NT5DC3: variants seen among roughly 807,000 people sequenced by gnomAD.
NT5DC3 encodes the protein 5'-nucleotidase domain containing 3.
A neutral mutation model predicts 67.8 loss-of-function variants in NT5DC3; 42 were observed. The ratio of observed to expected loss-of-function variants is 0.62; its 90% CI spans 0.48 to 0.80. NT5DC3 has a LOEUF of 0.80. Among genes scored for constraint, NT5DC3 ranks in the 30% least tolerant of loss-of-function variants. The pLI is 0.00. For missense variants in NT5DC3, 570 were observed against 696.4 expected (o/e 0.82, Z 2.04); for synonymous variants, 237 against 255.6 (o/e 0.93, Z 0.69).
chr12:103,787,056 C>A (rs1274701265), intron 11 of NT5DC3, among the ~76,000 whole-genome samples: 1 of 152,046 alleles, frequency 6.6e-6, no homozygotes, highest in East Asian at 1.9e-4. Flanking sequence ...ACAGCACATT[C>A]TTTTAAATAT....
At chr12:103,768,608 A>AGG (rs377102507), downstream of NT5DC3, among the ~76,000 whole-genome samples, 1 of 16,518 alleles carries the variant, frequency 6.1e-5, no homozygotes, top group Non-Finnish European at 1.2e-4. Context: ...GGAAAGGGGG[A>AGG]GAGAGGGAGA....
Position 103,841,152 on chromosome 12 carries a change from G to T in NT5DC3, c.5C>A (p.Thr2Asn), listed in dbSNP as rs907148456. ...TGCCACCACCGCCGCCGCTGCCATG[G>T]TCATGCCTGCTGCCTGCTGCCGCCA... M[T>N]MAAAAVVARG... Residue 2 changes from threonine (T) to asparagine (N), a missense_variant, in exon 1 of 14, where the codon ACC (threonine) becomes AAC (asparagine). By Grantham distance (65) the Thr-to-Asn change is moderately conservative (BLOSUM62 0). Transcript: ENST00000392876. The T allele has an allele frequency of 1.7e-5, 13 of 785,352 alleles. No individual in the cohort carries two copies. In the African/African-American group the frequency reaches 2.2e-4, roughly 13 times the overall value. The allele number at this position is 785,352 out of a possible 1,614,324, so 48.6% of individuals were successfully genotyped here.
chr12:103,759,070 A>G, the NT5DC3 span: 3 of 1,613,278 alleles, frequency 1.9e-6, no homozygotes, highest in Non-Finnish European at 2.5e-6. Flanking sequence ...CATCCCCATC[A>G]TTAAAAAGAC....
At chr12:103,810,447 T>C (rs1384661947) in intron 2 of NT5DC3, among the ~76,000 whole-genome samples, 1 of 152,164 alleles carries the variant, frequency 6.6e-6, no homozygotes, top group East Asian at 1.9e-4. Context: ...TTTCGTAGTT[T>C]AGAAACTTTT....
intron 1 of NT5DC3, among the ~76,000 whole-genome samples, chr12:103,830,270 T>A (rs1233886761): frequency 2.6e-5 from 4 of 152,250 alleles, no homozygotes; most frequent in Non-Finnish European, 5.9e-5. Flanking sequence ...ATCCCAGGTA[T>A]GTTGCTCCAT....
At chr12:103,840,377 G>GCTCATCTCCTCTCAT (rs1888333732) in intron 1 of NT5DC3, among the ~76,000 whole-genome samples, 2 of 115,308 alleles carry the variant, frequency 1.7e-5, no homozygotes, top group Non-Finnish European at 3.5e-5. Context: ...ACACCGCACA[G>GCTCATCTCCTCTCAT]CTCATCTCAT....
chr12:103,799,641 C>T (rs1316474064), intron 4 of NT5DC3, among the ~76,000 whole-genome samples: 5 of 152,112 alleles, frequency 3.3e-5, no homozygotes, highest in Non-Finnish European at 5.9e-5. Context: ...CCACACCCAA[C>T]GCTCAGTGGA....
At chr12:103,763,142 T>G in the NT5DC3 span, among the ~76,000 whole-genome samples, 2 of 152,186 alleles carry the variant, frequency 1.3e-5, no homozygotes, top group African/African-American at 4.8e-5. Context: ...TGCATTTATA[T>G]TAAGTTAAAG....
At chr12:103,749,241 A>G in the NT5DC3 span, 12 of 1,395,500 alleles carry the variant, frequency 8.6e-6, no homozygotes, top group Non-Finnish European at 1.2e-5. Flanking sequence ...TACTCTGCTT[A>G]TCTCCTGGAC....
intron 2 of NT5DC3, among the ~76,000 whole-genome samples, chr12:103,812,567 T>C (rs1305505105): frequency 6.6e-6 from 1 of 152,238 alleles, no homozygotes; most frequent in Non-Finnish European, 1.5e-5. Flanking sequence ...AAATTTTTTA[T>C]TTTCATGAAT....
At chr12:103,766,331 CTG>C (rs778611029), downstream of NT5DC3, 1 of 1,611,150 alleles carries the variant, frequency 6.2e-7, no homozygotes, top group African/African-American at 1.3e-5. Flanking sequence ...CTTGAGGACA[CTG>C]TGAGGGCCTG....
chr12:103,780,352 C>T lies in NT5DC3; in HGVS notation c.1342G>A (p.Ala448Thr). The change falls in exon 13 of 14, where the codon GCT becomes ACT. Residue 448 changes from alanine to threonine, a missense_variant. Ala to Thr is a moderately conservative substitution (Grantham distance 58, BLOSUM62 0). Coordinates refer to ENST00000392876, the MANE Select transcript of NT5DC3 (RefSeq NM_001031701.3). The part of the protein sequence containing the change: ...LLEQMQVHRD[A>T]ESQLVLQEWK... ...TCCTGCAAAACCAGCTGTGACTCAGCATCTCTGTGAACCTGTAGGACACAA... is the reference window on the plus strand; with the variant it reads ...TCCTGCAAAACCAGCTGTGACTCAGTATCTCTGTGAACCTGTAGGACACAA... The T allele has an allele frequency of 1.2e-6, 2 of 1,614,106 alleles. No homozygotes were observed. The highest frequency in any genetic ancestry group is 2.2e-5 in the South Asian group (2 of 91,076).
intron 1 of NT5DC3, among the ~76,000 whole-genome samples, chr12:103,835,928 G>A (rs556060019): frequency 7.2e-5 from 11 of 152,310 alleles, no homozygotes; most frequent in Admixed American, 1.3e-4. Context: ...GAATCATGGC[G>A]GGAGGTGAAA....
At chr12:103,812,170 A>G (rs1160826115) in intron 2 of NT5DC3, among the ~76,000 whole-genome samples, 1 of 152,150 alleles carries the variant, frequency 6.6e-6, no homozygotes, top group Non-Finnish European at 1.5e-5. Flanking sequence ...GGAAGCTTTT[A>G]TGTTTGCTTT....
chr12:103,750,002 T>C, the NT5DC3 span, among the ~76,000 whole-genome samples: 1 of 152,202 alleles, frequency 6.6e-6, no homozygotes, highest in East Asian at 1.9e-4. Context: ...CTGTGTGACC[T>C]GGAGGTGGCT....
rs17034524 is a variant in NT5DC3 at position 103,777,964 on chromosome 12, C to T, written c.1512G>A (p.Leu504=). Residue 504 remains leucine, a synonymous_variant, in exon 14 of 14, where the codon CTG becomes CTA. Transcript: ENST00000392876. ...SRFADIYMAS[L]SCLLNYDVSH... ...TGACGTCATAGTTCAGGAGGCAGCT[C>T]AGAGACGCCATGTAGATGTCAGCGA... 311,258 of 1,614,004 alleles carry T rather than the reference C, an allele frequency of 0.19. 33,764 individuals carry two copies. Among genetic ancestry groups the T allele is most frequent in the East Asian group, 0.48 (21,637 of 44,838 alleles).
In NT5DC3 at chr12:103,806,871, T is replaced by C. The variant is rs915792202; in HGVS notation, c.452A>G (p.His151Arg). 5 of 1,602,984 alleles carry C rather than the reference T, an allele frequency of 3.1e-6. No homozygotes were observed. The highest frequency in any genetic ancestry group is 4.3e-6 in the Non-Finnish European group (5 of 1,169,848). The change falls in exon 3 of 14, where the codon CAT becomes CGT. Residue 151 changes from histidine (H) to arginine (R), a missense_variant. His to Arg is a conservative substitution (Grantham distance 29). Around this residue, in one of 2 missense-constraint regions of NT5DC3, gnomAD observed 466 missense variants for 608.0 expected, o/e 0.77. Coordinates refer to ENST00000392876, the MANE Select transcript of NT5DC3 (RefSeq NM_001031701.3). ...TAAACCTACCCGCTGTACATCATAA[T>C]GAAGTCCACGAATTGCAAAATTTGG... ...YDPNFAIRGLHYDVQRAVLMK... is the reference protein window; with the variant it reads ...YDPNFAIRGLRYDVQRAVLMK...
At chr12:103,821,649 G>A (rs962993989) in intron 1 of NT5DC3, among the ~76,000 whole-genome samples, 3 of 152,210 alleles carry the variant, frequency 2.0e-5, no homozygotes, top group Admixed American at 6.5e-5. Context: ...CCACTGCTAG[G>A]AACCTGGAAA....
At chr12:103,792,169 T>A (rs1287287437) in intron 9 of NT5DC3, among the ~76,000 whole-genome samples, 1 of 152,190 alleles carries the variant, frequency 6.6e-6, no homozygotes. Flanking sequence ...CGCCAGTCAG[T>A]GGGACAAAAT....
Sources: gnomAD v4.1 joint callset for allele counts (sites outside exome capture counted in the v4.1 genomes callset) on GRCh38, gnomAD v4.1.1 for gene constraint, gnomAD v4.1.1 regional missense constraint, MANE v1.5 for transcripts, NCBI Gene and HGNC (gene_info 2026-07-23, HGNC 2026-07-21) for gene names.